UNC13C: variants seen among roughly 807,000 people sequenced by gnomAD.
The protein encoded by UNC13C is protein unc-13 homolog C.
Under a neutral mutation model 245.4 loss-of-function variants are expected in UNC13C, and 174 were observed. The observed-to-expected ratio is 0.71, with a 90% confidence interval of 0.63 to 0.80. The LOEUF (loss-of-function observed/expected upper bound fraction) is 0.80, where lower values mean the gene tolerates loss of function less well. UNC13C is among the 30% of genes least tolerant of loss of function. The probability of loss-of-function intolerance (pLI) is 0.00; values close to 1 mark genes in which losing one functional copy is unlikely to be tolerated. For missense variants in UNC13C, 2,829 were observed against 2,602.9 expected, an observed-to-expected ratio of 1.09 and a Z score of -1.89; for synonymous variants, 992 against 895.1, an observed-to-expected ratio of 1.11 and a Z score of -1.93.
At chr15:54,235,602 G>T (rs988932248) in intron 5 of UNC13C, among the ~76,000 whole-genome samples, 2 of 152,008 alleles carry the variant, frequency 1.3e-5, no homozygotes, top group Non-Finnish European at 2.9e-5. Flanking sequence ...GAAAATCATG[G>T]TTCACTTTGG....
chr15:54,437,024 T>G (rs1890258115), intron 19 of UNC13C, among the ~76,000 whole-genome samples: 1 of 151,914 alleles, frequency 6.6e-6, no homozygotes, highest in African/African-American at 2.4e-5. Flanking sequence ...AATTTGAAAT[T>G]TACATTTCTC....
intron 18 of UNC13C, among the ~76,000 whole-genome samples, chr15:54,409,257 A>G (rs565574952): frequency 8.4e-6 from 1 of 118,710 alleles, no homozygotes; most frequent in African/African-American, 3.1e-5. Flanking sequence ...ATAGATTTTT[A>G]ACATGTTAAT....
chr15:54,180,906 G>A (rs1001056305), intron 4 of UNC13C, among the ~76,000 whole-genome samples: 1 of 152,016 alleles, frequency 6.6e-6, no homozygotes, highest in African/African-American at 2.4e-5. Context: ...TTTGTTGGAT[G>A]TGTAGTTTGA....
intron 13 of UNC13C, among the ~76,000 whole-genome samples, chr15:54,303,290 A>G (rs2037635894): frequency 6.6e-6 from 1 of 152,202 alleles, no homozygotes; most frequent in Non-Finnish European, 1.5e-5. Flanking sequence ...TTATAGCACA[A>G]TTAAAATGCA....
chr15:53,953,936 T>A, the UNC13C span, among the ~76,000 whole-genome samples: 1 of 152,344 alleles, frequency 6.6e-6, no homozygotes, highest in African/African-American at 2.4e-5. Flanking sequence ...CATCAAGACT[T>A]CCATGGTGAC....
chr15:54,549,540 G>A (rs1042947312), intron 27 of UNC13C, 95 bp from the exon 28 acceptor site: 147 of 963,140 alleles, frequency 1.5e-4, no homozygotes, highest in Non-Finnish European at 2.2e-4. Context: ...GTCTTATAAG[G>A]GAAATAAAGA....
intron 30 of UNC13C, among the ~76,000 whole-genome samples, chr15:54,580,949 T>C (rs116364642): frequency 6.6e-6 from 1 of 152,294 alleles, no homozygotes; most frequent in African/African-American, 2.4e-5. Context: ...AATAATCATA[T>C]ATTTATTGAA....
intron 2 of UNC13C, among the ~76,000 whole-genome samples, chr15:54,039,298 T>C (rs966384719): frequency 6.6e-6 from 1 of 152,244 alleles, no homozygotes; most frequent in East Asian, 1.9e-4. Context: ...GCTTATGTAA[T>C]ACTTTTGAAA....
chr15:53,980,612 A>G (rs555918920), intron 1 of UNC13C, among the ~76,000 whole-genome samples: 2 of 152,278 alleles, frequency 1.3e-5, no homozygotes, highest in African/African-American at 4.8e-5. Flanking sequence ...TAGAATTGCC[A>G]ATGTTTTTTC....
At chr15:53,867,543 A>G in the UNC13C span, among the ~76,000 whole-genome samples, 6 of 152,120 alleles carry the variant, frequency 3.9e-5, no homozygotes, top group African/African-American at 1.4e-4. Context: ...CTGAAAATCA[A>G]TGTCTTTCTT....
chr15:54,060,885 G>A (rs1001721293), intron 2 of UNC13C, among the ~76,000 whole-genome samples: 6 of 151,702 alleles, frequency 4.0e-5, no homozygotes, highest in South Asian at 2.1e-4. Flanking sequence ...ACCAAACACC[G>A]CAGTTCTCAC....
intron 4 of UNC13C, among the ~76,000 whole-genome samples, chr15:54,188,285 C>A (rs60993865): frequency 0.14 from 21,979 of 152,070 alleles, 2,056 homozygotes; most frequent in Middle Eastern, 0.24. Context: ...TACACACTGA[C>A]CTTGTTTTGG....
At chr15:53,866,505 A>G in the UNC13C span, among the ~76,000 whole-genome samples, 1 of 152,308 alleles carries the variant, frequency 6.6e-6, no homozygotes, top group East Asian at 1.9e-4. Context: ...ATGCGTTTTA[A>G]AATGTGGCTT....
At chr15:53,916,790 A>G in the UNC13C span, among the ~76,000 whole-genome samples, 2 of 152,198 alleles carry the variant, frequency 1.3e-5, no homozygotes, top group African/African-American at 4.8e-5. Context: ...CATGCTTAAG[A>G]AACATCAGGA....
intron 4 of UNC13C, among the ~76,000 whole-genome samples, chr15:54,199,984 A>C (rs1567091248): frequency 6.6e-6 from 1 of 152,128 alleles, no homozygotes; most frequent in Non-Finnish European, 1.5e-5. Flanking sequence ...AAAGGGGTGG[A>C]AAAAGATATT....
chr15:53,910,588 C>T, the UNC13C span, among the ~76,000 whole-genome samples: 1 of 145,704 alleles, frequency 6.9e-6, no homozygotes, highest in Non-Finnish European at 1.5e-5. Flanking sequence ...TCTTTGCAGA[C>T]AGAGGGGATC....
At chr15:53,911,840 C>T in the UNC13C span, 1 of 152,306 alleles carries the variant, frequency 6.6e-6, no homozygotes, top group Non-Finnish European at 1.5e-5. Context: ...AACGCTTTAC[C>T]TCCCCTATGA....
chr15:54,090,534 A>G (rs961221878), intron 2 of UNC13C, among the ~76,000 whole-genome samples: 30 of 152,208 alleles, frequency 2.0e-4, no homozygotes, highest in African/African-American at 7.2e-4. Flanking sequence ...ACATTTAGAA[A>G]GTGGCAACGT....
chr15:54,217,264 G>T (rs1349878016), intron 4 of UNC13C, among the ~76,000 whole-genome samples: 1 of 151,868 alleles, frequency 6.6e-6, no homozygotes, highest in Admixed American at 6.6e-5. Flanking sequence ...AAATAACTGG[G>T]ACTAGGATTG....
Sources: allele counts gnomAD v4.1 joint callset (sites outside exome capture counted in the v4.1 genomes callset), GRCh38; gene constraint gnomAD v4.1.1; transcripts MANE v1.5; gene names NCBI Gene and HGNC (gene_info 2026-07-23, HGNC 2026-07-21).